ATRX: variants seen among roughly 807,000 people sequenced by gnomAD.
ATRX encodes the protein ATRX chromatin remodeler, also known as chromatin remodeler ATRX.
Under a neutral mutation model 172.6 loss-of-function variants are expected in ATRX, and 12 were observed. That is an observed-to-expected ratio of 0.07 (90% CI 0.04 to 0.11). The LOEUF is 0.11. Ranked by LOEUF, ATRX falls within the 10% of genes least tolerant of loss-of-function variation. The pLI is 1.00. For missense variants in ATRX, 1,368 were observed against 1,767.4 expected (o/e 0.77, Z 4.05); for synonymous variants, 674 against 594.7 (o/e 1.13, Z -1.94).
chrX:77,635,557 T>C (rs1222183642), intron 16 of ATRX, among the ~76,000 whole-genome samples: 2 of 112,004 alleles, frequency 1.8e-5, no homozygotes, highest in Admixed American at 1.9e-4. Context: ...AAAGAAAACA[T>C]ACCTAAAAAT....
chrX:77,758,607 A>T (rs901610904), intron 1 of ATRX, among the ~76,000 whole-genome samples: 14 of 108,530 alleles, frequency 1.3e-4, no homozygotes, highest in Non-Finnish European at 2.5e-4. Flanking sequence ...AATACAAAAA[A>T]ATTAGCCGGG....
At chrX:77,619,102 A>G (rs2067477313) in intron 20 of ATRX, 121 bp from the exon 21 acceptor site, 1 of 493,200 alleles carries the variant, frequency 2.0e-6, no homozygotes, top group African/African-American at 2.4e-5. Flanking sequence ...TAAAGAAAGA[A>G]TATCAAGCTA....
chrX:77,726,824 C>G (rs1259374751), intron 1 of ATRX, among the ~76,000 whole-genome samples: 1 of 104,397 alleles, frequency 9.6e-6, no homozygotes, highest in Non-Finnish European at 2.0e-5. Flanking sequence ...ATCCTAATGT[C>G]ACTTAAAAAA....
At chrX:77,592,413 C>CAA (rs111685679) in intron 26 of ATRX, among the ~76,000 whole-genome samples, 5 of 30,380 alleles carry the variant, frequency 1.6e-4, no homozygotes, top group Admixed American at 4.1e-4. Context: ...AACTCCGTCT[C>CAA]AAAAAAAAAA....
intron 30 of ATRX, among the ~76,000 whole-genome samples, chrX:77,548,759 T>C (rs1602485688): frequency 8.9e-6 from 1 of 112,487 alleles, no homozygotes; most frequent in Non-Finnish European, 1.9e-5. Context: ...AACTGTACAA[T>C]AACATCTCTG....
intron 30 of ATRX, among the ~76,000 whole-genome samples, chrX:77,550,617 G>A (rs1459236239): frequency 2.7e-5 from 3 of 111,229 alleles, no homozygotes; most frequent in East Asian, 5.6e-4. Flanking sequence ...TCTGGCCAGG[G>A]CAATCAGGCA....
intron 1 of ATRX, among the ~76,000 whole-genome samples, chrX:77,770,261 C>T (rs1358188251): frequency 9.1e-6 from 1 of 109,412 alleles, no homozygotes; most frequent in African/African-American, 3.3e-5. Context: ...TGCCACCATG[C>T]CTGGCTAATT....
rs192807754 is a variant in ATRX at position 77,759,202 on chromosome X, G to A, written c.20+26780C>T. On this transcript the variant is annotated intron_variant, in intron 1 of 34. Transcript: ENST00000373344. ...TTACAGTTATCTACACAAAAACATC[G>A]ACCAGGATGAAGAACTGCAGAACAA... 4.8e-3 allele frequency among the ~76,000 whole-genome samples: 530 copies of A among 111,084 alleles called. 2 individuals are homozygous for A. Among genetic ancestry groups the A allele is most frequent in the Middle Eastern group, 9.3e-3 (2 of 214 alleles).
At chrX:77,609,877 G>A (rs1173928873) in intron 22 of ATRX, among the ~76,000 whole-genome samples, 1 of 111,850 alleles carries the variant, frequency 8.9e-6, no homozygotes, top group Non-Finnish European at 1.9e-5. Context: ...AAGGAGAGAT[G>A]GACATTAGGT....
chrX:77,723,280 T>C (rs1164469794), intron 1 of ATRX, among the ~76,000 whole-genome samples: 1 of 111,032 alleles, frequency 9.0e-6, no homozygotes, highest in Non-Finnish European at 1.9e-5. Flanking sequence ...TGTATAGATA[T>C]TTACGCAGAA....
At chrX:77,760,144 G>A (rs2075660843) in intron 1 of ATRX, among the ~76,000 whole-genome samples, 1 of 109,058 alleles carries the variant, frequency 9.2e-6, no homozygotes, top group Non-Finnish European at 1.9e-5. Flanking sequence ...ACATCTCAAT[G>A]TGGACTAGCT....
chrX:77,652,459 G>T, intron 14 of ATRX, 106 bp from the exon 15 acceptor site: 6 of 639,405 alleles, frequency 9.4e-6, no homozygotes, highest in African/African-American at 2.4e-5. Flanking sequence ...AAAACATGCT[G>T]AAAACCTTTA....
chrX:77,558,459 A>G (rs1406927622), intron 29 of ATRX, among the ~76,000 whole-genome samples: 1 of 111,552 alleles, frequency 9.0e-6, no homozygotes, highest in Non-Finnish European at 1.9e-5. Flanking sequence ...ATGCAAAACA[A>G]TCTCAACCTG....
At chrX:77,781,269 T>C (rs1557205468) in intron 1 of ATRX, among the ~76,000 whole-genome samples, 3 of 109,969 alleles carry the variant, frequency 2.7e-5, no homozygotes. Flanking sequence ...GGTGAAACCC[T>C]GTCTGTACTA....
chrX:77,773,683 C>T (rs781912567), intron 1 of ATRX, among the ~76,000 whole-genome samples: 2 of 108,943 alleles, frequency 1.8e-5, no homozygotes, highest in Admixed American at 9.9e-5. Context: ...ACCCAGGAGG[C>T]GGAGGCTGCA....
At chrX:77,752,903 A>T (rs1557188294) in intron 1 of ATRX, among the ~76,000 whole-genome samples, 2 of 111,884 alleles carry the variant, frequency 1.8e-5, no homozygotes, top group African/African-American at 6.5e-5. Context: ...ATCGATGGTC[A>T]TCAGGGATAT....
intron 1 of ATRX, among the ~76,000 whole-genome samples, chrX:77,781,307 T>G (rs1400206437): frequency 9.1e-6 from 1 of 109,439 alleles, no homozygotes; most frequent in Non-Finnish European, 1.9e-5. Context: ...CCGCACATGG[T>G]GGCAGGTGCC....
At position 77,707,033 on chromosome X, in the gene ATRX, C is replaced by G. The variant is rs372762918; in HGVS notation, c.134-8404G>C. Among the ~76,000 whole-genome samples, 33 of 112,696 alleles carry G rather than the reference C, an allele frequency of 2.9e-4. 1 individual carries two copies. In the East Asian group the frequency reaches 3.6e-3, roughly 12 times the overall value. On this transcript the variant is annotated intron_variant, in intron 2 of 34. Coordinates refer to ENST00000373344, the MANE Select transcript of ATRX (RefSeq NM_000489.6). ...TATATACATACAATGGAATGGTATTCAGACTTCAAAAGAAATGAAATTTTG... is the reference window on the plus strand; with the variant it reads ...TATATACATACAATGGAATGGTATTGAGACTTCAAAAGAAATGAAATTTTG...
chrX:77,771,397 A>C (rs2076148895), intron 1 of ATRX, among the ~76,000 whole-genome samples: 2 of 108,936 alleles, frequency 1.8e-5, no homozygotes, highest in African/African-American at 6.7e-5. Context: ...AGCCTTTCTC[A>C]AACCTGACCC....
Sources: gnomAD v4.1 joint callset for allele counts (sites outside exome capture counted in the v4.1 genomes callset) on GRCh38, gnomAD v4.1.1 for gene constraint, MANE v1.5 for transcripts, NCBI Gene and HGNC (gene_info 2026-07-23, HGNC 2026-07-21) for gene names.